Variants in OR56A3 observed in about 807,000 individuals in gnomAD.
OR56A3 encodes olfactory receptor family 56 subfamily A member 3, also known as olfactory receptor 56A3.
In OR56A3, 23 loss-of-function variants were observed where a neutral mutation model predicts 17.5. That is an observed-to-expected ratio of 1.32 (90% CI 0.95 to 1.87). OR56A3 has a LOEUF of 1.87. OR56A3 is among the 40% of genes most tolerant of loss of function. OR56A3 has a pLI of 0.00. For missense variants in OR56A3, 366 were observed against 380.1 expected, an observed-to-expected ratio of 0.96 and a Z score of 0.31; for synonymous variants, 175 against 150.6, an observed-to-expected ratio of 1.16 and a Z score of -1.19.
At chr11:5,963,769 C>T in the OR56A3 span, among the ~76,000 whole-genome samples, 1 of 152,106 alleles carries the variant, frequency 6.6e-6, no homozygotes, top group Middle Eastern at 3.4e-3. Context: ...TGCTATTGTT[C>T]CTTTAAATAA....
chr11:5,986,539 C>A, the OR56A3 span: 10 of 1,613,926 alleles, frequency 6.2e-6, no homozygotes, highest in African/African-American at 1.1e-4. Flanking sequence ...CACAAGTACC[C>A]CTGACTCCAT....
chr11:5,985,926 G>A, the OR56A3 span: 2 of 1,582,020 alleles, frequency 1.3e-6, no homozygotes, highest in East Asian at 4.5e-5. Flanking sequence ...AGGAAACAAT[G>A]AGAATATGTT....
the OR56A3 span, among the ~76,000 whole-genome samples, chr11:5,958,003 G>A: frequency 2.6e-5 from 4 of 152,080 alleles, no homozygotes; most frequent in African/African-American, 9.7e-5. Flanking sequence ...AAGAGAAATT[G>A]TAAATAATTT....
chr11:6,007,403 T>C, the OR56A3 span, among the ~76,000 whole-genome samples: 214 of 152,294 alleles, frequency 1.4e-3, no homozygotes, highest in African/African-American at 5.0e-3. Flanking sequence ...GGGATGGGAA[T>C]AATATTTTAT....
the OR56A3 span, chr11:6,002,937 C>A: frequency 1.9e-6 from 3 of 1,613,756 alleles, no homozygotes; most frequent in Non-Finnish European, 2.5e-6. Flanking sequence ...GTTGGGGAAG[C>A]AGATGAGGAG....
the OR56A3 span, among the ~76,000 whole-genome samples, chr11:5,972,679 A>C: frequency 7.9e-5 from 12 of 152,312 alleles, no homozygotes; most frequent in South Asian, 2.5e-3. Context: ...GCCAGGCTGG[A>C]GTGCGGTGGC....
At chr11:6,003,043 G>C in the OR56A3 span, 3 of 1,613,908 alleles carry the variant, frequency 1.9e-6, no homozygotes, top group Non-Finnish European at 2.5e-6. Context: ...AAACGTAGTA[G>C]AGAAGTACAG....
At chr11:5,952,183 G>A (rs1004271956), downstream of OR56A3, among the ~76,000 whole-genome samples, 8 of 152,108 alleles carry the variant, frequency 5.3e-5, no homozygotes, top group Non-Finnish European at 8.8e-5. Flanking sequence ...AGTAAAAAAT[G>A]TCAACAATTT....
downstream of OR56A3, among the ~76,000 whole-genome samples, chr11:5,952,227 G>A (rs1847911815): frequency 6.6e-6 from 1 of 152,200 alleles, no homozygotes; most frequent in African/African-American, 2.4e-5. Flanking sequence ...CTAAGGCAGA[G>A]GTGCAAGGCG....
chr11:6,012,706 C>T, the OR56A3 span, among the ~76,000 whole-genome samples: 103,367 of 152,088 alleles, frequency 0.68, 35,454 homozygotes, highest in East Asian at 0.94. Context: ...ACCACAAGTC[C>T]TCACTCCAGT....
the OR56A3 span, chr11:6,001,940 C>T: frequency 9.1e-7 from 1 of 1,102,576 alleles, no homozygotes; most frequent in South Asian, 1.9e-5. Flanking sequence ...AGAATCCGAA[C>T]TCAGGCAGGA....
chr11:6,005,748 A>G, the OR56A3 span, among the ~76,000 whole-genome samples: 42,445 of 152,130 alleles, frequency 0.28, 6,169 homozygotes, highest in Non-Finnish European at 0.33. Flanking sequence ...GTGTCCTGAC[A>G]TGGTGAAAGG....
the OR56A3 span, among the ~76,000 whole-genome samples, chr11:6,010,775 A>G: frequency 6.6e-6 from 1 of 151,924 alleles, no homozygotes; most frequent in East Asian, 1.9e-4. Flanking sequence ...TACCTATCTG[A>G]GGGATTTTTT....
chr11:5,999,266 C>G, the OR56A3 span, among the ~76,000 whole-genome samples: 1 of 152,022 alleles, frequency 6.6e-6, no homozygotes, highest in Non-Finnish European at 1.5e-5. Context: ...ATAAGGTGTG[C>G]AATAACGGTC....
chr11:6,014,989 CAAAAA>C, the OR56A3 span, among the ~76,000 whole-genome samples: 52 of 35,200 alleles, frequency 1.5e-3, 1 homozygote, highest in Non-Finnish European at 2.1e-3. Flanking sequence ...TATTCATGGG[CAAAAA>C]AAAAAAAAAA....
At chr11:6,001,677 C>T in the OR56A3 span, 1 of 166,658 alleles carries the variant, frequency 6.0e-6, no homozygotes, top group African/African-American at 2.4e-5. Context: ...GAATCAGTGT[C>T]ATTTGCAAAT....
At chr11:5,963,306 A>G in the OR56A3 span, among the ~76,000 whole-genome samples, 2 of 151,974 alleles carry the variant, frequency 1.3e-5, no homozygotes, top group African/African-American at 4.8e-5. Context: ...TTATTCATGT[A>G]TGTGTTTATT....
chr11:5,978,729 C>T, the OR56A3 span, among the ~76,000 whole-genome samples: 1 of 152,084 alleles, frequency 6.6e-6, no homozygotes, highest in Non-Finnish European at 1.5e-5. Flanking sequence ...CCTGATTGCT[C>T]TGTCCACGAC....
chr11:5,996,116 AT>A, the OR56A3 span, among the ~76,000 whole-genome samples: 1 of 152,282 alleles, frequency 6.6e-6, no homozygotes, highest in South Asian at 2.1e-4. Context: ...TCCCATGTTT[AT>A]TGCGGCACTA....
Sources: gnomAD v4.1 joint callset for allele counts (sites outside exome capture counted in the v4.1 genomes callset) on GRCh38, gnomAD v4.1.1 for gene constraint, MANE v1.5 for transcripts, NCBI Gene and HGNC (gene_info 2026-07-23, HGNC 2026-07-21) for gene names.